The following MAP4K5 variants were observed in gnomAD, a reference collection of about 807,000 sequenced individuals.
MAP4K5 encodes the protein MAPK/ERK kinase kinase kinase 5.
MAP4K5 carries 82 observed loss-of-function variants against 135.6 expected under a neutral mutation model. The observed-to-expected ratio is 0.60, with a 90% CI of 0.51 to 0.73. The LOEUF is 0.73. Among genes scored for constraint, MAP4K5 ranks in the 30% least tolerant of loss-of-function variants. The probability of loss-of-function intolerance (pLI) is 0.00; values close to 1 mark genes in which losing one functional copy is unlikely to be tolerated. For missense variants in MAP4K5, 907 were observed against 1,010.9 expected (o/e 0.90, Z 1.39); for synonymous variants, 347 against 335.0 (o/e 1.04, Z -0.39).
At chr14:50,550,286 T>C (rs893582297) in intron 1 of MAP4K5, among the ~76,000 whole-genome samples, 2 of 152,352 alleles carry the variant, frequency 1.3e-5, no homozygotes, top group South Asian at 4.1e-4. Context: ...GCAGCCTCAT[T>C]AATAGGGCCA....
intron 30 of MAP4K5, among the ~76,000 whole-genome samples, chr14:50,426,742 A>AAAAAT (rs1278538697): frequency 6.6e-6 from 1 of 152,182 alleles, no homozygotes; most frequent in African/African-American, 2.4e-5. Flanking sequence ...TAAATAAATA[A>AAAAAT]AAAATAAAAT....
chr14:50,418,875 AAAAC>A lies in MAP4K5; in HGVS notation c.*1140_*1143del, dbSNP rs2035661764. ...TTTGAATATTAACAATAGCAAAAGAAAAACAAACTCAAAAATGACCCTACCCTTT... is the reference window on the plus strand; with the variant it reads ...TTTGAATATTAACAATAGCAAAAGAAAAACTCAAAAATGACCCTACCCTTT... On this transcript the variant is annotated 3_prime_UTR_variant, in exon 33 of 33. Coordinates refer to ENST00000682126, the MANE Select transcript of MAP4K5 (RefSeq NM_006575.6). 6.6e-6 allele frequency: 1 copy of A among 152,208 alleles called. No homozygotes were observed. The highest frequency in any genetic ancestry group is 1.5e-5 in the Non-Finnish European group (1 of 68,008). The allele number at this position is 152,208 out of a possible 1,614,324, so 9.4% of individuals were successfully genotyped here. A position where few individuals can be genotyped will look rare whatever the true frequency, so the allele number is the denominator to read the frequency against.
chr14:50,422,587 GA>G (rs1028863834), intron 32 of MAP4K5, among the ~76,000 whole-genome samples: 1 of 150,718 alleles, frequency 6.6e-6, no homozygotes, highest in Non-Finnish European at 1.5e-5. Context: ...AAAAAAAAAA[GA>G]AAAAAAGAAG....
chr14:50,491,019 A>G (rs1034905335), intron 3 of MAP4K5, among the ~76,000 whole-genome samples: 9 of 152,326 alleles, frequency 5.9e-5, no homozygotes, highest in African/African-American at 1.7e-4. Flanking sequence ...CCCCTCGTGT[A>G]TAAGGGTCCT....
At chr14:50,458,297 T>C (rs1279383052) in intron 13 of MAP4K5, among the ~76,000 whole-genome samples, 1 of 152,176 alleles carries the variant, frequency 6.6e-6, no homozygotes, top group Non-Finnish European at 1.5e-5. Flanking sequence ...TCCATCTTGC[T>C]TCCCTTGACT....
chr14:50,498,637 C>G (rs1229216427), intron 3 of MAP4K5, among the ~76,000 whole-genome samples: 4 of 152,078 alleles, frequency 2.6e-5, no homozygotes, highest in Non-Finnish European at 5.9e-5. Context: ...TTGCCAGGGG[C>G]AAGTCAGTAA....
At chr14:50,534,663 A>T (rs1362232818), upstream of MAP4K5, among the ~76,000 whole-genome samples, 1 of 152,268 alleles carries the variant, frequency 6.6e-6, no homozygotes, top group Non-Finnish European at 1.5e-5. Context: ...TAGCATGGAA[A>T]AAGTCAAGAC....
At chr14:50,548,221 A>G (rs1310084807) in intron 1 of MAP4K5, among the ~76,000 whole-genome samples, 1 of 152,148 alleles carries the variant, frequency 6.6e-6, no homozygotes, top group African/African-American at 2.4e-5. Context: ...AAGCAACTGT[A>G]GGTTTTCCTA....
chr14:50,430,946 T>C (rs1272904614), intron 28 of MAP4K5, among the ~76,000 whole-genome samples: 1 of 152,206 alleles, frequency 6.6e-6, no homozygotes, highest in Non-Finnish European at 1.5e-5. Flanking sequence ...TTTCTCTTCT[T>C]ATTCCTTGAA....
At chr14:50,476,999 G>C (rs1367222568) in intron 6 of MAP4K5, among the ~76,000 whole-genome samples, 1 of 152,144 alleles carries the variant, frequency 6.6e-6, no homozygotes, top group African/African-American at 2.4e-5. Context: ...TTTAGAATCA[G>C]CATGTCAACT....
At chr14:50,462,882 G>A (rs2036743860) in intron 12 of MAP4K5, 101 bp from the exon 13 acceptor site, 1 of 671,826 alleles carries the variant, frequency 1.5e-6, no homozygotes, top group Admixed American at 2.7e-5. Context: ...GCAGAGACAA[G>A]TATATGGGAG....
intron 14 of MAP4K5, 107 bp from the exon 15 acceptor site, chr14:50,448,939 G>T (rs2036421834): frequency 3.1e-6 from 2 of 648,620 alleles, no homozygotes; most frequent in South Asian, 3.8e-5. Flanking sequence ...AAAGAAGAGG[G>T]GAAAGAAGAC....
intron 14 of MAP4K5, among the ~76,000 whole-genome samples, chr14:50,454,612 T>C (rs1236855887): frequency 6.6e-6 from 1 of 152,104 alleles, no homozygotes. Flanking sequence ...CTCTACCGCT[T>C]TGTCTGGTGC....
At position 50,516,545 on chromosome 14, in the gene MAP4K5, C is replaced by T. The variant is rs115773557; in HGVS notation, c.109-11688G>A. ...ACAGAATCCTAAAAAATTAGCCACA[C>T]TTATGGAATAGTGAAAATAGACAAA... On this transcript the variant is annotated intron_variant, in intron 2 of 32. Transcript: ENST00000682126. 8.0e-3 allele frequency among the ~76,000 whole-genome samples: 1,212 copies of T among 152,208 alleles called. 9 individuals are homozygous for T. Among genetic ancestry groups the T allele is most frequent in the African/African-American group, 0.027 (1,131 of 41,532 alleles).
chr14:50,494,584 T>C (rs546328412), intron 3 of MAP4K5, among the ~76,000 whole-genome samples: 2 of 152,198 alleles, frequency 1.3e-5, no homozygotes, highest in Admixed American at 6.5e-5. Flanking sequence ...CATTCTAAAA[T>C]TTGTATAAAA....
intron 1 of MAP4K5, among the ~76,000 whole-genome samples, chr14:50,546,804 CT>C (rs1304735606): frequency 6.7e-6 from 1 of 149,154 alleles, no homozygotes; most frequent in East Asian, 2.0e-4. Context: ...ACAAAATCTT[CT>C]GAATTATCAG....
intron 6 of MAP4K5, among the ~76,000 whole-genome samples, chr14:50,480,403 C>CTTT (rs11412178): frequency 7.0e-6 from 1 of 143,392 alleles, no homozygotes; most frequent in Non-Finnish European, 1.5e-5. Context: ...CTCATTCTTT[C>CTTT]TTTTTTTTTT....
At chr14:50,438,213 A>G in intron 23 of MAP4K5, 119 bp from the exon 24 acceptor site, 1 of 548,416 alleles carries the variant, frequency 1.8e-6, no homozygotes, top group Admixed American at 3.1e-5. Flanking sequence ...AAATTAACAG[A>G]TAATTTTAAT....
rs1394981387 is a variant in MAP4K5 at position 50,482,381 on chromosome 14, C to T, written c.358G>A (p.Val120Ile). The change falls in exon 6 of 33, where the codon GTA becomes ATA. Residue 120 changes from valine to isoleucine, a missense_variant. Around this residue, in one of 3 missense-constraint regions of MAP4K5, gnomAD observed 196 missense variants for 189.3 expected, o/e 1.04. Coordinates refer to ENST00000682126, the MANE Select transcript of MAP4K5 (RefSeq NM_006575.6). Reference protein sequence around the residue: ...GPLSELQIAYVCRETLQGLAY... With the variant: ...GPLSELQIAYICRETLQGLAY... ...AGTACCTGTAAGGTTTCTCTGCATA[C>T]ATAGGCTATTTGCAATTCTGATAAT... 10 of 1,532,076 alleles carry T rather than the reference C, an allele frequency of 6.5e-6. No individual in the cohort carries two copies. Among genetic ancestry groups the T allele is most frequent in the Non-Finnish European group, 7.9e-6 (9 of 1,141,272 alleles). 94.9% of individuals were successfully genotyped at this position (1,532,076 alleles called of 1,614,324 possible).
Sources: gnomAD v4.1 joint callset for allele counts (sites outside exome capture counted in the v4.1 genomes callset) on GRCh38, gnomAD v4.1.1 for gene constraint, gnomAD v4.1.1 regional missense constraint, MANE v1.5 for transcripts, NCBI Gene and HGNC (gene_info 2026-07-23, HGNC 2026-07-21) for gene names.